The following USP6NL variants were observed in gnomAD, a reference collection of about 807,000 sequenced individuals.
The protein encoded by USP6NL is USP6 N-terminal-like protein.
Under a neutral mutation model 61.9 loss-of-function variants are expected in USP6NL, and 26 were observed. That is an observed-to-expected ratio of 0.42 (90% confidence interval 0.31 to 0.58). The LOEUF is 0.58. Among genes scored for constraint, USP6NL ranks in the 20% least tolerant of loss-of-function variants. The pLI is 0.16. For synonymous variants in USP6NL, 432 were observed against 390.1 expected (o/e 1.11, Z -1.27); for missense variants, 1,114 against 1,034.3 (o/e 1.08, Z -1.06).
At chr10:11,590,348 G>A (rs1415029692) in intron 2 of USP6NL, among the ~76,000 whole-genome samples, 1 of 151,946 alleles carries the variant, frequency 6.6e-6, no homozygotes, top group Non-Finnish European at 1.5e-5. Context: ...CTGTACAATG[G>A]CACCCATCAC....
intron 5 of USP6NL, among the ~76,000 whole-genome samples, chr10:11,512,554 G>C (rs1273376598): frequency 6.6e-6 from 1 of 152,174 alleles, no homozygotes; most frequent in Non-Finnish European, 1.5e-5. Context: ...AAATTTCTTA[G>C]CACAGCACAC....
At chr10:11,484,138 G>A (rs1394784237) in intron 13 of USP6NL, among the ~76,000 whole-genome samples, 1 of 152,196 alleles carries the variant, frequency 6.6e-6, no homozygotes, top group Non-Finnish European at 1.5e-5. Context: ...AGAGTTGAGT[G>A]CACAATGAAC....
At position 11,596,321 on chromosome 10, in the gene USP6NL, A is replaced by G. The variant is rs1838324733; in HGVS notation, c.4+1310T>C. Among the ~76,000 whole-genome samples, 1 of 152,174 alleles carries G rather than the reference A, an allele frequency of 6.6e-6. No individual in the cohort carries two copies. The highest frequency in any genetic ancestry group is 2.4e-5 in the African/African-American group (1 of 41,440). ...ACAAAATGTCATGATTGGAGCTGAA[A>G]TAACAAAAGCTCTTTCTTGGCCGGG... On this transcript the variant is annotated intron_variant, in intron 2 of 14. Coordinates refer to ENST00000609104, the MANE Select transcript of USP6NL (RefSeq NM_014688.5). This position sits in a 1 kb window ranked among gnomAD's most constrained non-coding sequence, Gnocchi z 4.1.
intron 14 of USP6NL, among the ~76,000 whole-genome samples, chr10:11,479,183 G>GA (rs1833087321): frequency 6.6e-6 from 1 of 152,122 alleles, no homozygotes; most frequent in Non-Finnish European, 1.5e-5. Context: ...CCAGCATGTG[G>GA]AAAATTCTTT....
intron 2 of USP6NL, among the ~76,000 whole-genome samples, chr10:11,555,468 AG>A (rs1566178206): frequency 1.1e-5 from 1 of 93,036 alleles, no homozygotes; most frequent in African/African-American, 4.0e-5. Flanking sequence ...AGAGAGAGAG[AG>A]AAAGAGAGAG....
chr10:11,557,527 T>C (rs1002703568), intron 2 of USP6NL, among the ~76,000 whole-genome samples: 2 of 152,254 alleles, frequency 1.3e-5, no homozygotes, highest in Non-Finnish European at 1.5e-5. Flanking sequence ...AAATTTTAAA[T>C]TGGATTATCT....
intron 2 of USP6NL, among the ~76,000 whole-genome samples, chr10:11,534,103 T>G (rs140348517): frequency 6.6e-6 from 1 of 152,086 alleles, no homozygotes; most frequent in Non-Finnish European, 1.5e-5. Flanking sequence ...ACCCTTGATA[T>G]CTGATCACCC....
intron 1 of USP6NL, among the ~76,000 whole-genome samples, chr10:11,610,819 G>A (rs906328794): frequency 6.6e-6 from 1 of 152,050 alleles, no homozygotes; most frequent in Non-Finnish European, 1.5e-5. Flanking sequence ...ACAGAAACGT[G>A]CACCCATGGA....
At chr10:11,594,225 AG>A (rs766757577) in intron 2 of USP6NL, among the ~76,000 whole-genome samples, 3 of 152,208 alleles carry the variant, frequency 2.0e-5, no homozygotes, top group Non-Finnish European at 4.4e-5. Flanking sequence ...TTGGTACAGT[AG>A]TCTACTAAGG....
At position 11,481,953 on chromosome 10, in the gene USP6NL, A is replaced by G; in HGVS notation, c.926-31T>C. 1 of 1,577,212 alleles carries G rather than the reference A, an allele frequency of 6.3e-7. No homozygotes were observed. Among genetic ancestry groups the G allele is most frequent in the Non-Finnish European group, 8.6e-7 (1 of 1,163,828 alleles). ...AAAGGATAAGAGAAATGAAAATGCC[A>G]AGTCAATAGCTACTTTAGGTAGGAA... On this transcript the variant is annotated intron_variant, in intron 13 of 14. Coordinates refer to ENST00000609104, the MANE Select transcript of USP6NL (RefSeq NM_014688.5). This position sits in a 1 kb window ranked among gnomAD's most constrained non-coding sequence, Gnocchi z 4.4.
At chr10:11,566,928 A>G (rs1837183874) in intron 2 of USP6NL, among the ~76,000 whole-genome samples, 1 of 152,230 alleles carries the variant, frequency 6.6e-6, no homozygotes, top group African/African-American at 2.4e-5. Context: ...CCTGGGCAAC[A>G]CAGTGAGACT....
At position 11,468,184 on chromosome 10, in the gene USP6NL, T is replaced by C. The variant is rs530424283; in HGVS notation, c.1079-4335A>G. Among the ~76,000 whole-genome samples, 13 of 152,344 alleles carry C rather than the reference T, an allele frequency of 8.5e-5. No homozygotes were observed. Among genetic ancestry groups the C allele is most frequent in the African/African-American group, 2.4e-4 (10 of 41,572 alleles). On this transcript the variant is annotated intron_variant, in intron 14 of 14. Transcript: ENST00000609104. The surrounding 1 kb of genome is among the most constrained non-coding windows in gnomAD (Gnocchi z 4.5). ...TGCCTCAGACAGGCATCATGTTTAC[T>C]TGTCTGTGATTTACATTATTCAACT... is the stretch of plus-strand genomic sequence containing the variant.
Position 11,465,745 on chromosome 10 carries a change from C to T in USP6NL, c.1079-1896G>A, listed in dbSNP as rs1318629435. Among the ~76,000 whole-genome samples the T allele has an allele frequency of 6.6e-6, 1 of 152,032 alleles. No homozygotes were observed. Among genetic ancestry groups the T allele is most frequent in the African/African-American group, 2.4e-5 (1 of 41,388 alleles). On this transcript the variant is annotated intron_variant, in intron 14 of 14. Transcript: ENST00000609104. This position sits in a 1 kb window ranked among gnomAD's most constrained non-coding sequence, Gnocchi z 4.5. ...TCAGTCTGCATCAATTCTCAATTCTCAATTAATGAAAACTCAATTCACCTG... is the reference window on the plus strand; with the variant it reads ...TCAGTCTGCATCAATTCTCAATTCTTAATTAATGAAAACTCAATTCACCTG...
chr10:11,502,999 T>C (rs1834276116), intron 6 of USP6NL, among the ~76,000 whole-genome samples: 1 of 152,190 alleles, frequency 6.6e-6, no homozygotes, highest in Admixed American at 6.5e-5. Flanking sequence ...TAAAAACAAG[T>C]GAATTTAAGA....
chr10:11,462,977 T>C lies in USP6NL; in HGVS notation c.1951A>G (p.Ser651Gly). ...NSPKHFPTAN[S>G]SFASPQFSPG... ...CTAAACTGTGGAGAAGCAAAGCTGC[T>C]GTTGGCAGTAGGGAAGTGTTTGGGA... The change falls in exon 15 of 15, where the codon AGC (serine) becomes GGC (glycine). Residue 651 changes from serine (S) to glycine (G), a missense_variant. Transcript: ENST00000609104. 4 of 1,613,782 alleles carry C rather than the reference T, an allele frequency of 2.5e-6. No individual in the cohort carries two copies. The highest frequency in any genetic ancestry group is 3.4e-6 in the Non-Finnish European group (4 of 1,179,796).
intron 14 of USP6NL, among the ~76,000 whole-genome samples, chr10:11,464,083 C>G (rs117359797): frequency 0.027 from 4,141 of 152,272 alleles, 78 homozygotes; most frequent in Non-Finnish European, 0.045. Flanking sequence ...CATACCAACA[C>G]TCACAATTAG....
chr10:11,494,670 G>T (rs1833840636), intron 7 of USP6NL, among the ~76,000 whole-genome samples: 2 of 152,168 alleles, frequency 1.3e-5, no homozygotes, highest in East Asian at 1.9e-4. Flanking sequence ...GATAGGTAAG[G>T]TCATGTGGGT....
chr10:11,522,547 T>C (rs768828805), intron 4 of USP6NL, among the ~76,000 whole-genome samples: 1 of 152,246 alleles, frequency 6.6e-6, no homozygotes, highest in Non-Finnish European at 1.5e-5. Flanking sequence ...TTAATAAGGC[T>C]TGACATTACC....
At chr10:11,521,974 A>G (rs1399809006) in intron 4 of USP6NL, among the ~76,000 whole-genome samples, 2 of 152,172 alleles carry the variant, frequency 1.3e-5, no homozygotes. Context: ...AAGTTCTCCA[A>G]CTTCTTCCTT....
Sources: allele counts gnomAD v4.1 joint callset (sites outside exome capture counted in the v4.1 genomes callset), GRCh38; gene constraint gnomAD v4.1.1; non-coding constraint Gnocchi (gnomAD v3.1); transcripts MANE v1.5; gene names NCBI Gene and HGNC (gene_info 2026-07-23, HGNC 2026-07-21).